IREB2: variants seen among roughly 807,000 people sequenced by gnomAD.
IREB2 encodes iron responsive element binding protein 2.
Under a neutral mutation model 118.8 loss-of-function variants are expected in IREB2, and 39 were observed. The ratio of observed to expected loss-of-function variants is 0.33; its 90% confidence interval spans 0.25 to 0.43. The LOEUF is 0.43. Ranked by LOEUF, IREB2 falls within the 20% of genes least tolerant of loss-of-function variation. The pLI is 1.00. For missense variants in IREB2, 900 were observed against 1,147.3 expected, an observed-to-expected ratio of 0.78 and a Z score of 3.11; for synonymous variants, 372 against 392.2, an observed-to-expected ratio of 0.95 and a Z score of 0.61.
At position 78,488,169 on chromosome 15, in the gene IREB2, G is replaced by T. The variant is rs2051691982; in HGVS notation, c.1795-11G>T. The stretch of plus-strand genomic sequence containing the variant: ...TGAATTTATTTGTTTGTGTGTTTGT[G>T]TTTTTTTCAGGGTGATTTGGTTACC... On this transcript the variant is annotated splice_polypyrimidine_tract_variant and intron_variant, in intron 14 of 21. Transcript: ENST00000258886. 6.3e-7 allele frequency: 1 copy of T among 1,597,802 alleles called. No homozygotes were observed. Among genetic ancestry groups the T allele is most frequent in the African/African-American group, 1.4e-5 (1 of 73,916 alleles).
At chr15:78,453,160 C>G (rs2051052735) in intron 2 of IREB2, among the ~76,000 whole-genome samples, 1 of 152,142 alleles carries the variant, frequency 6.6e-6, no homozygotes. Flanking sequence ...GTAGTCATTA[C>G]CTCTGTTCAC....
chr15:78,491,380 T>C (rs144862810), intron 18 of IREB2, among the ~76,000 whole-genome samples: 3 of 152,344 alleles, frequency 2.0e-5, no homozygotes, highest in Non-Finnish European at 4.4e-5. Flanking sequence ...AGACAAAGTT[T>C]TGTTAAAAGC....
upstream of IREB2, chr15:78,438,097 G>T (rs2050780305): frequency 3.8e-6 from 2 of 529,800 alleles, no homozygotes; most frequent in Non-Finnish European, 6.8e-6. Flanking sequence ...ATCGCTTTCT[G>T]GTTAGCTCCG....
At chr15:78,483,192 TTAAAA>T (rs1162265560) in intron 10 of IREB2, 121 bp from the exon 11 acceptor site, 14 of 557,308 alleles carry the variant, frequency 2.5e-5, no homozygotes, top group South Asian at 2.1e-4. Flanking sequence ...TATTATACTA[TTAAAA>T]TAAATTGCAT....
At chr15:78,473,542 C>A in intron 8 of IREB2, 161 bp downstream of exon 8, 1 of 602,048 alleles carries the variant, frequency 1.7e-6, no homozygotes. Context: ...ACAAACAGAG[C>A]ATTTAGTTTG....
At chr15:78,463,156 TG>T in intron 3 of IREB2, 69 bp downstream of exon 3, 1 of 1,318,426 alleles carries the variant, frequency 7.6e-7, no homozygotes. Context: ...TACAGACTCT[TG>T]GGTAGGTGTG....
chr15:78,498,023 T>C lies in IREB2; in HGVS notation c.2782-10T>C. 1 of 1,562,370 alleles carries C rather than the reference T, an allele frequency of 6.4e-7. No homozygotes were observed. Among genetic ancestry groups the C allele is most frequent in the Non-Finnish European group, 8.8e-7 (1 of 1,133,312 alleles). On this transcript the variant is annotated splice_polypyrimidine_tract_variant and intron_variant, in intron 21 of 21. Transcript: ENST00000258886. The stretch of plus-strand genomic sequence containing the variant: ...ACTTGCTCACATGAGATGTTTTTGC[T>C]CCTTTCAAGACAAGCACTGGAAAAG...
rs1443713323 is a variant in IREB2, at chr15:78,438,239, C to G, written c.-99C>G. On this transcript the variant is annotated 5_prime_UTR_variant, in exon 1 of 22. Coordinates refer to ENST00000258886, the MANE Select transcript of IREB2 (RefSeq NM_004136.4). The stretch of plus-strand genomic sequence containing the variant: ...GCGAGCCTGCTTCCTTCTTTCCTCC[C>G]TTGCCAGTCCGCCTGTCTTCCTCCC... 2 of 934,132 alleles carry G rather than the reference C, an allele frequency of 2.1e-6. No individual in the cohort carries two copies. Among genetic ancestry groups the G allele is most frequent in the Non-Finnish European group, 3.4e-6 (2 of 583,850 alleles). The allele number at this position is 934,132 out of a possible 1,614,324, so 57.9% of individuals were successfully genotyped here. A position where few individuals can be genotyped will look rare whatever the true frequency, so the allele number is the denominator to read the frequency against.
At chr15:78,438,078 G>A (rs1458220308), upstream of IREB2, 11 of 494,102 alleles carry the variant, frequency 2.2e-5, no homozygotes, top group Non-Finnish European at 4.0e-5. Flanking sequence ...AGCGGCGACG[G>A]CGCGAGAAAT....
chr15:78,457,821 C>T (rs2051130944), intron 2 of IREB2, among the ~76,000 whole-genome samples: 1 of 152,002 alleles, frequency 6.6e-6, no homozygotes, highest in African/African-American at 2.4e-5. Flanking sequence ...TAATAATTAT[C>T]TAAATAAAAG....
chr15:78,499,508 A>C lies in IREB2; in HGVS notation c.*1365A>C, dbSNP rs1405216356. The C allele has an allele frequency of 6.6e-6, 1 of 152,244 alleles. No individual in the cohort carries two copies. The highest frequency in any genetic ancestry group is 1.5e-5 in the Non-Finnish European group (1 of 68,044). The allele number at this position is 152,244 out of a possible 1,614,324, so 9.4% of individuals were successfully genotyped here. ...ATTGCATAAAGAATTACTTGTTGTA[A>C]GCAAAATGCTGAAACTACCAAACCA... is the stretch of plus-strand genomic sequence containing the variant. On this transcript the variant is annotated 3_prime_UTR_variant, in exon 22 of 22. Coordinates refer to ENST00000258886, the MANE Select transcript of IREB2 (RefSeq NM_004136.4).
At chr15:78,496,096 C>T (rs2051833340) in intron 20 of IREB2, among the ~76,000 whole-genome samples, 1 of 152,190 alleles carries the variant, frequency 6.6e-6, no homozygotes, top group Admixed American at 6.5e-5. Flanking sequence ...TCTTGTGTTG[C>T]ACATTAACTC....
In IREB2 at chr15:78,500,134, GC is replaced by G. The variant is rs1198886514; in HGVS notation, c.*1993del. On this transcript the variant is annotated 3_prime_UTR_variant, in exon 22 of 22. Transcript: ENST00000258886. The stretch of plus-strand genomic sequence containing the variant: ...ACAAGTGCTGGGATTACAGGTGTGA[GC>G]CACCACACCCGGCCTATATTGTTTT... 6.6e-6 allele frequency: 1 copy of G among 152,262 alleles called. No individual in the cohort carries two copies. Among genetic ancestry groups the G allele is most frequent in the Non-Finnish European group, 1.5e-5 (1 of 68,150 alleles). The allele number at this position is 152,262 out of a possible 1,614,324, so 9.4% of individuals were successfully genotyped here.
At chr15:78,445,335 G>A (rs1031949719) in intron 2 of IREB2, among the ~76,000 whole-genome samples, 15 of 152,008 alleles carry the variant, frequency 9.9e-5, no homozygotes, top group African/African-American at 2.9e-4. Flanking sequence ...ACAGGGTTTC[G>A]CCATGCTGGC....
chr15:78,462,626 T>C (rs2051215572), intron 2 of IREB2, among the ~76,000 whole-genome samples: 1 of 152,214 alleles, frequency 6.6e-6, no homozygotes. Flanking sequence ...ATTCCTTGAA[T>C]ATGAAGTATT....
intron 18 of IREB2, among the ~76,000 whole-genome samples, chr15:78,491,212 A>G (rs2051744593): frequency 6.6e-6 from 1 of 152,174 alleles, no homozygotes; most frequent in African/African-American, 2.4e-5. Context: ...AAATCAAAAG[A>G]CAATGAATTT....
At chr15:78,486,361 CT>C (rs1296609741) in intron 13 of IREB2, among the ~76,000 whole-genome samples, 1 of 152,200 alleles carries the variant, frequency 6.6e-6, no homozygotes, top group East Asian at 1.9e-4. Flanking sequence ...AATCCCAGCA[CT>C]TGGGGAGGCC....
intron 9 of IREB2, among the ~76,000 whole-genome samples, chr15:78,477,618 A>G (rs2051493939): frequency 6.6e-6 from 1 of 152,122 alleles, no homozygotes; most frequent in Non-Finnish European, 1.5e-5. Flanking sequence ...ACCCCCAAAG[A>G]TTTCAAAATT....
chr15:78,468,773 CCTTT>C (rs1211702619), intron 5 of IREB2, among the ~76,000 whole-genome samples: 3 of 152,214 alleles, frequency 2.0e-5, no homozygotes, highest in East Asian at 1.9e-4. Flanking sequence ...GTGTGCTCTT[CCTTT>C]CTAAGGATTC....
Sources: gnomAD v4.1 joint callset for allele counts (sites outside exome capture counted in the v4.1 genomes callset) on GRCh38, gnomAD v4.1.1 for gene constraint, MANE v1.5 for transcripts, NCBI Gene and HGNC (gene_info 2026-07-23, HGNC 2026-07-21) for gene names.